GABRA3: variants seen among roughly 807,000 people sequenced by gnomAD.
GABRA3 encodes gamma-aminobutyric acid receptor subunit alpha-3.
Under a neutral mutation model 30.1 loss-of-function variants are expected in GABRA3, and 10 were observed. That is an observed-to-expected ratio of 0.33 (90% confidence interval 0.20 to 0.56). The LOEUF is 0.56. Among genes scored for constraint, GABRA3 ranks in the 20% least tolerant of loss-of-function variants. GABRA3 has a pLI of 0.89. For synonymous variants in GABRA3, 151 were observed against 146.8 expected, an observed-to-expected ratio of 1.03 and a Z score of -0.21; for missense variants, 233 against 392.0, an observed-to-expected ratio of 0.59 and a Z score of 3.42.
intron 7 of GABRA3, among the ~76,000 whole-genome samples, chrX:152,205,990 C>T (rs1238577182): frequency 9.8e-5 from 11 of 112,819 alleles, no homozygotes; most frequent in Non-Finnish European, 9.4e-5. Context: ...CTGTTATGAA[C>T]GTGTATCTTC....
Position 152,322,536 on chromosome X carries a change from CT to C in GABRA3, c.262+23044del, listed in dbSNP as rs751861869. Among the ~76,000 whole-genome samples the C allele has an allele frequency of 6.4e-3, 646 of 100,894 alleles. 5 individuals are homozygous for C. Among genetic ancestry groups the C allele is most frequent in the African/African-American group, 0.017 (485 of 27,976 alleles). 87.6% of individuals were successfully genotyped at this position (100,894 alleles called of 115,157 possible). A position where few individuals can be genotyped will look rare whatever the true frequency, so the allele number is the denominator to read the frequency against. On this transcript the variant is annotated intron_variant, in intron 3 of 9. Transcript: ENST00000370314. ...TAATTTAAAATAAATAAAGTCAACT[CT>C]TTTTTTTTTTTTTGAGATGGAGTTT... is the stretch of plus-strand genomic sequence containing the variant.
intron 3 of GABRA3, among the ~76,000 whole-genome samples, chrX:152,290,369 T>C (rs896105068): frequency 1.1e-4 from 12 of 112,098 alleles, no homozygotes; most frequent in African/African-American, 3.9e-4. Context: ...TGTTTGTTTT[T>C]TTCTTGTAAA....
intron 3 of GABRA3, among the ~76,000 whole-genome samples, chrX:152,300,224 T>C (rs755975621): frequency 1.1e-4 from 12 of 112,191 alleles, no homozygotes; most frequent in Non-Finnish European, 1.9e-4. Flanking sequence ...ACTTTGATAA[T>C]TGAACTATGA....
chrX:152,305,031 C>T (rs952007027), intron 3 of GABRA3, among the ~76,000 whole-genome samples: 3 of 111,334 alleles, frequency 2.7e-5, no homozygotes, highest in Admixed American at 9.6e-5. Context: ...TCTTTTTTCA[C>T]ATTTCATTCA....
intron 5 of GABRA3, chrX:152,250,790 G>T (rs181304777): frequency 8.3e-6 from 1 of 120,548 alleles, no homozygotes; most frequent in African/African-American, 3.2e-5. Context: ...TGCTTGCTCA[G>T]ATTTTAGTAG....
At chrX:152,254,914 C>T (rs1030279738) in intron 5 of GABRA3, among the ~76,000 whole-genome samples, 26 of 111,498 alleles carry the variant, frequency 2.3e-4, no homozygotes, top group African/African-American at 7.8e-4. Flanking sequence ...AAAAGCAAAC[C>T]CAAAAACCAA....
At chrX:152,373,267 T>C (rs1928892663) in intron 1 of GABRA3, among the ~76,000 whole-genome samples, 1 of 111,747 alleles carries the variant, frequency 8.9e-6, no homozygotes, top group African/African-American at 3.3e-5. Context: ...CATTAGGTAT[T>C]CTTGATGCTC....
intron 6 of GABRA3, among the ~76,000 whole-genome samples, chrX:152,210,397 C>T (rs747335413): frequency 8.9e-6 from 1 of 111,742 alleles, no homozygotes; most frequent in Non-Finnish European, 1.9e-5. Flanking sequence ...CTACTGGGAG[C>T]TCTTAATTCT....
At chrX:152,182,262 G>T (rs1345984281) in intron 9 of GABRA3, among the ~76,000 whole-genome samples, 12 of 101,941 alleles carry the variant, frequency 1.2e-4, no homozygotes, top group African/African-American at 4.3e-4. Context: ...TTTTTTTTAA[G>T]TTTATGATTT....
chrX:152,272,714 A>G (rs1444790603), intron 4 of GABRA3, among the ~76,000 whole-genome samples: 1 of 111,638 alleles, frequency 9.0e-6, no homozygotes, highest in Non-Finnish European at 1.9e-5. Context: ...TAGTTTCCAT[A>G]ATCCCCACGT....
intron 3 of GABRA3, among the ~76,000 whole-genome samples, chrX:152,314,813 T>C (rs755787005): frequency 8.9e-6 from 1 of 112,355 alleles, no homozygotes; most frequent in South Asian, 3.7e-4. Context: ...AATTGTATGA[T>C]TATTTCTTTA....
intron 1 of GABRA3, among the ~76,000 whole-genome samples, chrX:152,421,538 C>T (rs768230644): frequency 1.8e-5 from 2 of 111,069 alleles, no homozygotes; most frequent in South Asian, 7.5e-4. Flanking sequence ...GTCTGATCAA[C>T]TAGACTAAAT....
At chrX:152,254,842 T>C (rs1325268234) in intron 5 of GABRA3, among the ~76,000 whole-genome samples, 1 of 111,636 alleles carries the variant, frequency 9.0e-6, no homozygotes, top group Non-Finnish European at 1.9e-5. Flanking sequence ...TTAGCACTCA[T>C]TAATGTGGAA....
intron 1 of GABRA3, among the ~76,000 whole-genome samples, chrX:152,398,734 G>C (rs1929722544): frequency 9.0e-6 from 1 of 111,633 alleles, no homozygotes; most frequent in African/African-American, 3.3e-5. Context: ...GTTTGTGATT[G>C]CACATACCAA....
intron 5 of GABRA3, among the ~76,000 whole-genome samples, chrX:152,236,908 T>C (rs1177801101): frequency 2.9e-5 from 3 of 104,763 alleles, no homozygotes; most frequent in Non-Finnish European, 3.9e-5. Context: ...CTTTGTCAGA[T>C]GAGTAGGTTG....
chrX:152,409,335 T>A (rs774463401), intron 1 of GABRA3, among the ~76,000 whole-genome samples: 12 of 111,558 alleles, frequency 1.1e-4, no homozygotes, highest in Admixed American at 3.8e-4. Context: ...GACAGAGTGA[T>A]ACCCTGTCTC....
intron 3 of GABRA3, among the ~76,000 whole-genome samples, chrX:152,330,730 A>C (rs983294626): frequency 2.8e-5 from 3 of 108,487 alleles, no homozygotes; most frequent in African/African-American, 1.0e-4. Flanking sequence ...GGGTAGCATT[A>C]GGAGATATAC....
intron 1 of GABRA3, among the ~76,000 whole-genome samples, chrX:152,402,483 C>T (rs910347427): frequency 9.0e-6 from 1 of 111,598 alleles, no homozygotes; most frequent in Non-Finnish European, 1.9e-5. Flanking sequence ...TCTCAATTTC[C>T]TCATTTATAA....
At chrX:152,415,454 G>C (rs1032699314) in intron 1 of GABRA3, among the ~76,000 whole-genome samples, 1 of 111,356 alleles carries the variant, frequency 9.0e-6, no homozygotes, top group Admixed American at 9.6e-5. Flanking sequence ...TTCATGGAAA[G>C]AGACAGGGAC....
Sources: gnomAD v4.1 joint callset for allele counts (sites outside exome capture counted in the v4.1 genomes callset) on GRCh38, gnomAD v4.1.1 for gene constraint, MANE v1.5 for transcripts, NCBI Gene and HGNC (gene_info 2026-07-23, HGNC 2026-07-21) for gene names.